CUX2: variants seen among roughly 807,000 people sequenced by gnomAD.
CUX2 encodes the protein cut like homeobox 2.
CUX2 carries 40 observed loss-of-function variants against 144.8 expected under a neutral mutation model. That is an observed-to-expected ratio of 0.28 (90% CI 0.21 to 0.36). The LOEUF (loss-of-function observed/expected upper bound fraction) is 0.36, where lower values mean the gene tolerates loss of function less well. CUX2 is among the 10% of genes least tolerant of loss of function. The pLI is 1.00. For synonymous variants in CUX2, 827 were observed against 875.6 expected (o/e 0.94, Z 0.98); for missense variants, 1,615 against 1,994.0 (o/e 0.81, Z 3.62).
intron 1 of CUX2, among the ~76,000 whole-genome samples, chr12:111,056,460 C>A (rs1161850667): frequency 1.3e-5 from 2 of 152,228 alleles, no homozygotes; most frequent in Non-Finnish European, 2.9e-5. Context: ...GCTGGAACCT[C>A]AGCTACCTGT....
At chr12:111,249,667 G>A (rs941044881) in intron 3 of CUX2, among the ~76,000 whole-genome samples, 1 of 151,892 alleles carries the variant, frequency 6.6e-6, no homozygotes, top group African/African-American at 2.4e-5. Flanking sequence ...ATGTTGGCCA[G>A]GCTGGTCTCA....
At chr12:111,220,922 C>T (rs1363420231) in intron 3 of CUX2, among the ~76,000 whole-genome samples, 4 of 126,576 alleles carry the variant, frequency 3.2e-5, no homozygotes, top group South Asian at 2.6e-4. Context: ...GGCAACAGAG[C>T]GAGACCTGGT....
intron 1 of CUX2, among the ~76,000 whole-genome samples, chr12:111,197,197 G>C (rs536087903): frequency 6.6e-6 from 1 of 152,286 alleles, no homozygotes; most frequent in South Asian, 2.1e-4. Flanking sequence ...TATCTCTCTC[G>C]AAGGACTGCT....
Position 111,088,980 on chromosome 12 carries a change from C to T in CUX2, c.63+54740C>T, listed in dbSNP as rs79292210. On this transcript the variant is annotated intron_variant, in intron 1 of 21. Coordinates refer to ENST00000261726, the MANE Select transcript of CUX2 (RefSeq NM_015267.4). ...CTGACCCCTCAGGAGTTACGACCCC[C>T]TCCCCACTCCACTAGGTTTGCCTTA... 5.4e-3 allele frequency among the ~76,000 whole-genome samples: 825 copies of T among 152,272 alleles called. 11 individuals are homozygous for T. Among genetic ancestry groups the T allele is most frequent in the African/African-American group, 0.019 (778 of 41,566 alleles).
intron 1 of CUX2, among the ~76,000 whole-genome samples, chr12:111,195,691 G>A (rs1880195100): frequency 6.6e-6 from 1 of 152,166 alleles, no homozygotes; most frequent in South Asian, 2.1e-4. Context: ...CCGTAGCTAG[G>A]GACACAGAGC....
Position 111,310,794 on chromosome 12 carries a change from T to A in CUX2, c.1900+112T>A. The A allele has an allele frequency of 7.9e-7, 1 of 1,267,918 alleles. No homozygotes were observed. Among genetic ancestry groups the A allele is most frequent in the South Asian group, 1.5e-5 (1 of 65,112 alleles). 78.5% of individuals were successfully genotyped at this position (1,267,918 alleles called of 1,614,324 possible). A position where few individuals can be genotyped will look rare whatever the true frequency, so the allele number is the denominator to read the frequency against. The stretch of plus-strand genomic sequence containing the variant: ...TTCAAAGCCCAGCTCTACCACCACC[T>A]GGCTGTGTGACCCAGGGCCAGTGGC... On this transcript the variant is annotated intron_variant, in intron 15 of 21. Transcript: ENST00000261726. This position sits in a 1 kb window ranked among gnomAD's most constrained non-coding sequence, Gnocchi z 7.9.
At chr12:111,086,662 T>G (rs1278208092) in intron 1 of CUX2, among the ~76,000 whole-genome samples, 3 of 152,238 alleles carry the variant, frequency 2.0e-5, no homozygotes, top group Admixed American at 6.5e-5. Context: ...CCCAGCCATA[T>G]GCCCTTTGGC....
chr12:111,131,568 A>G (rs1399988375), intron 1 of CUX2, among the ~76,000 whole-genome samples: 1 of 152,184 alleles, frequency 6.6e-6, no homozygotes. Flanking sequence ...TCCACCTATA[A>G]GCCTATAAAA....
chr12:111,285,473 C>T (rs1341459330), intron 4 of CUX2, among the ~76,000 whole-genome samples: 1 of 152,220 alleles, frequency 6.6e-6, no homozygotes, highest in African/African-American at 2.4e-5. Context: ...CCATGAACCA[C>T]CCCACCTGCT....
In CUX2 at chr12:111,255,012, A is replaced by T. The variant is rs989197810; in HGVS notation, c.223-8749A>T. Among the ~76,000 whole-genome samples, 2 of 152,162 alleles carry T rather than the reference A, an allele frequency of 1.3e-5. No individual in the cohort carries two copies. The highest frequency in any genetic ancestry group is 6.6e-5 in the Admixed American group (1 of 15,266). On this transcript the variant is annotated intron_variant, in intron 3 of 21. Coordinates refer to ENST00000261726, the MANE Select transcript of CUX2 (RefSeq NM_015267.4). The surrounding 1 kb of genome is among the most constrained non-coding windows in gnomAD (Gnocchi z 4.1). ...TTACAGGTACTCTCCTAATATTTGT[A>T]TTTTTAATAGAGACGGGGTTTCACA... is the stretch of plus-strand genomic sequence containing the variant.
intron 3 of CUX2, among the ~76,000 whole-genome samples, chr12:111,249,687 C>A (rs1373969699): frequency 6.6e-6 from 1 of 152,014 alleles, no homozygotes; most frequent in Non-Finnish European, 1.5e-5. Context: ...AAACTCCTGA[C>A]CTCAGGTGAT....
chr12:111,342,781 A>G (rs1888631650), intron 21 of CUX2, among the ~76,000 whole-genome samples: 2 of 152,060 alleles, frequency 1.3e-5, no homozygotes, highest in African/African-American at 4.8e-5. Context: ...AAACATAATG[A>G]AACCCCATTT....
chr12:111,090,996 G>A (rs1176246125), intron 1 of CUX2, among the ~76,000 whole-genome samples: 4 of 152,166 alleles, frequency 2.6e-5, no homozygotes, highest in Non-Finnish European at 5.9e-5. Context: ...TTGATCTTCT[G>A]GGTTAAGGCC....
intron 1 of CUX2, among the ~76,000 whole-genome samples, chr12:111,172,848 A>G (rs890134629): frequency 6.6e-6 from 1 of 152,240 alleles, no homozygotes; most frequent in Admixed American, 6.5e-5. Flanking sequence ...AGATGTCCAC[A>G]CTAAGAGAAT....
intron 1 of CUX2, among the ~76,000 whole-genome samples, chr12:111,099,047 G>A (rs1262514325): frequency 6.6e-6 from 1 of 152,212 alleles, no homozygotes; most frequent in Non-Finnish European, 1.5e-5. Context: ...AGCCTGGAAG[G>A]CCAAGGAAGT....
chr12:111,294,249 A>G (rs1885848193), intron 6 of CUX2, among the ~76,000 whole-genome samples: 2 of 152,172 alleles, frequency 1.3e-5, no homozygotes, highest in Non-Finnish European at 1.5e-5. Flanking sequence ...CTGGGATTAC[A>G]GGTGTGCACT....
intron 16 of CUX2, among the ~76,000 whole-genome samples, chr12:111,313,728 A>G (rs1189150349): frequency 6.6e-6 from 1 of 152,150 alleles, no homozygotes; most frequent in East Asian, 1.9e-4. Context: ...TAATCCTGAA[A>G]GATCAGCCAT....
intron 14 of CUX2, 113 bp from the exon 15 acceptor site, chr12:111,309,928 T>G (rs992656498): frequency 2.1e-6 from 2 of 964,696 alleles, no homozygotes; most frequent in Non-Finnish European, 2.7e-6. Flanking sequence ...TCTCTCTTTC[T>G]CGTTGTCTCT....
At chr12:111,168,509 G>A (rs943813673) in intron 1 of CUX2, among the ~76,000 whole-genome samples, 21 of 152,192 alleles carry the variant, frequency 1.4e-4, no homozygotes, top group Admixed American at 8.5e-4. Flanking sequence ...CCAGAACCTC[G>A]TCCCGTCGGT....
Sources: gnomAD v4.1 joint callset for allele counts (sites outside exome capture counted in the v4.1 genomes callset) on GRCh38, gnomAD v4.1.1 for gene constraint, Gnocchi (gnomAD v3.1) non-coding constraint, MANE v1.5 for transcripts, NCBI Gene and HGNC (gene_info 2026-07-23, HGNC 2026-07-21) for gene names.